The following HEATR3 variants were observed in gnomAD, a reference collection of about 807,000 sequenced individuals.
The protein encoded by HEATR3 is HEAT repeat containing 3.
In HEATR3, 56 loss-of-function variants were observed where a neutral mutation model predicts 72.8. The ratio of observed to expected loss-of-function variants is 0.77; its 90% CI spans 0.62 to 0.96. The LOEUF (loss-of-function observed/expected upper bound fraction) is 0.96, where lower values mean the gene tolerates loss of function less well. Ranked by LOEUF, HEATR3 falls within the 40% of genes least tolerant of loss-of-function variation. The probability of loss-of-function intolerance (pLI) is 0.00; values close to 1 mark genes in which losing one functional copy is unlikely to be tolerated. For missense variants in HEATR3, 747 were observed against 831.4 expected (o/e 0.90, Z 1.25); for synonymous variants, 331 against 318.1 (o/e 1.04, Z -0.43).
intron 6 of HEATR3, among the ~76,000 whole-genome samples, chr16:50,077,842 A>G (rs1294214761): frequency 3.4e-5 from 5 of 148,960 alleles, no homozygotes; most frequent in African/African-American, 9.9e-5. Context: ...TACAACTTGG[A>G]TATTGTGAAT....
Position 50,106,828 on chromosome 16 carries a change from A to G in HEATR3, c.*1767A>G, listed in dbSNP as rs1332391840. On this transcript the variant is annotated 3_prime_UTR_variant, in exon 15 of 15. Coordinates refer to ENST00000299192, the MANE Select transcript of HEATR3 (RefSeq NM_182922.4). ...GATGTATTTTACAGTTTTCACCTAT[A>G]TGATATAGACTGTTGGGAAACCAAG... Among the ~76,000 whole-genome samples the G allele has an allele frequency of 6.6e-6, 1 of 152,184 alleles. No homozygotes were observed. Among genetic ancestry groups the G allele is most frequent in the Non-Finnish European group, 1.5e-5 (1 of 68,024 alleles).
intron 6 of HEATR3, among the ~76,000 whole-genome samples, chr16:50,077,279 G>A (rs147128783): frequency 6.6e-6 from 1 of 151,992 alleles, no homozygotes; most frequent in African/African-American, 2.4e-5. Context: ...CCCTGTGCTG[G>A]GATTACAGGC....
In HEATR3 at chr16:50,075,585, A is replaced by G. The variant is rs750662809; in HGVS notation, c.637A>G (p.Thr213Ala). 1 of 1,613,088 alleles carries G rather than the reference A, an allele frequency of 6.2e-7. No individual in the cohort carries two copies. Among genetic ancestry groups the G allele is most frequent in the Non-Finnish European group, 8.5e-7 (1 of 1,179,178 alleles). ...TTGCCTCGTAGCATATTGTTTGCAG[A>G]CAGTGACTGAGGATAACCCAGAGCT... ...LAISVAYCLQ[T>A]VTEDNPELLK... The change falls in exon 6 of 15, where the codon ACA becomes GCA. Residue 213 changes from threonine (T) to alanine (A), a missense_variant. Physicochemically the swap from Thr to Ala is moderately conservative, Grantham distance 58 (BLOSUM62 0). Coordinates refer to ENST00000299192, the MANE Select transcript of HEATR3 (RefSeq NM_182922.4).
chr16:50,089,069 A>G (rs1272016091), intron 11 of HEATR3, among the ~76,000 whole-genome samples: 1 of 152,258 alleles, frequency 6.6e-6, no homozygotes, highest in Non-Finnish European at 1.5e-5. Context: ...CACTGAGGCC[A>G]GCACATTTAT....
chr16:50,080,356 T>TG (rs1227654690), intron 7 of HEATR3: 1 of 152,082 alleles, frequency 6.6e-6, no homozygotes. Flanking sequence ...TTTTTTTTTT[T>TG]TTTGAGACAG....
chr16:50,072,623 A>G lies in HEATR3; in HGVS notation c.531A>G (p.Ala177=), dbSNP rs2036636815. ...LWNICECSSR[A]VSIFNKEGCL... Reference sequence around the variant, plus strand: ...AATTTAGTGAATGCAGTAGTAGAGCAGTGTCTATATTCAACAAAGAAGGGT... The same window carrying G: ...AATTTAGTGAATGCAGTAGTAGAGCGGTGTCTATATTCAACAAAGAAGGGT... The change falls in exon 5 of 15, where the codon GCA becomes GCG. Residue 177 remains alanine (A), a synonymous_variant. Coordinates refer to ENST00000299192, the MANE Select transcript of HEATR3 (RefSeq NM_182922.4). 3.1e-6 allele frequency: 5 copies of G among 1,607,384 alleles called. No homozygotes were observed. In the Admixed American group the frequency reaches 5.0e-5, roughly 16 times the overall value.
chr16:50,101,662 TGTG>T (rs1296962127), intron 13 of HEATR3, among the ~76,000 whole-genome samples: 1 of 152,210 alleles, frequency 6.6e-6, no homozygotes, highest in Non-Finnish European at 1.5e-5. Context: ...ATTGCTACCT[TGTG>T]GTGGTAAATT....
At chr16:50,093,957 C>T (rs188438234) in intron 11 of HEATR3, among the ~76,000 whole-genome samples, 7 of 152,290 alleles carry the variant, frequency 4.6e-5, no homozygotes, top group Admixed American at 3.3e-4. Flanking sequence ...GATTTCACAT[C>T]TTTATGGGAA....
intron 2 of HEATR3, 63 bp downstream of exon 2, chr16:50,066,602 C>T: frequency 8.1e-7 from 1 of 1,232,206 alleles, no homozygotes; most frequent in Non-Finnish European, 1.0e-6. Flanking sequence ...GGGCTGCGGG[C>T]GGTCGCAGCG....
chr16:50,097,543 C>A (rs1045759205), intron 12 of HEATR3, among the ~76,000 whole-genome samples: 2 of 151,882 alleles, frequency 1.3e-5, no homozygotes, highest in African/African-American at 4.8e-5. Flanking sequence ...GCCTCTTTTA[C>A]AAGAATTTTA....
intron 13 of HEATR3, 86 bp from the exon 14 acceptor site, chr16:50,102,173 T>C: frequency 3.8e-6 from 4 of 1,045,078 alleles, no homozygotes; most frequent in Middle Eastern, 2.1e-4. Context: ...TATAAAATAG[T>C]ATGCATGAGT....
rs572392476 is a variant in HEATR3, at chr16:50,075,919, A to C, written c.763+208A>C. Among the ~76,000 whole-genome samples, 244 of 152,352 alleles carry C rather than the reference A, an allele frequency of 1.6e-3. 1 individual carries two copies. The highest frequency in any genetic ancestry group is 3.5e-3 in the Admixed American group (54 of 15,310). ...GTAGAATAGATTTGTTTCGAATTTA[A>C]CAAACTACTGTTAACCTGATAAAGA... On this transcript the variant is annotated intron_variant, in intron 6 of 14. Transcript: ENST00000299192.
At position 50,100,326 on chromosome 16, in the gene HEATR3, A is replaced by T; in HGVS notation, c.1696A>T (p.Thr566Ser). The change falls in exon 13 of 15, where the codon ACT becomes TCT. Residue 566 changes from threonine to serine, a missense_variant. Coordinates refer to ENST00000299192, the MANE Select transcript of HEATR3 (RefSeq NM_182922.4). ...GAATGTCGTTAGCATTTTAGGAATCACTGGCAGCGTCCTTGCCAAAGAAGA... is the reference window on the plus strand; with the variant it reads ...GAATGTCGTTAGCATTTTAGGAATCTCTGGCAGCGTCCTTGCCAAAGAAGA... ...RVNVVSILGITGSVLAKEDGT... is the reference protein window; with the variant it reads ...RVNVVSILGISGSVLAKEDGT... The T allele has an allele frequency of 6.2e-7, 1 of 1,614,116 alleles. No individual in the cohort carries two copies. The highest frequency in any genetic ancestry group is 8.5e-7 in the Non-Finnish European group (1 of 1,179,990).
intron 5 of HEATR3, chr16:50,074,275 C>T (rs1250359377): frequency 6.6e-6 from 1 of 152,062 alleles, no homozygotes; most frequent in East Asian, 1.9e-4. Flanking sequence ...TAAAGGAAGC[C>T]AGACGTCCCA....
rs375948952 is a variant in HEATR3 at position 50,083,886 on chromosome 16, A to G, written c.1042-51A>G. 1.6e-5 allele frequency: 24 copies of G among 1,524,112 alleles called. No individual in the cohort carries two copies. The East Asian group carries it at 2.7e-4, about 17-fold the overall frequency. The allele number at this position is 1,524,112 out of a possible 1,614,324, so 94.4% of individuals were successfully genotyped here. The stretch of plus-strand genomic sequence containing the variant: ...TTCACTAAGGAAATTCCCCAAAAAC[A>G]TTTTCCCAACCATTGAGAGTTGGTC... On this transcript the variant is annotated intron_variant, in intron 7 of 14. Transcript: ENST00000299192.
chr16:50,067,135 C>G (rs2036515515), intron 2 of HEATR3, among the ~76,000 whole-genome samples: 1 of 152,118 alleles, frequency 6.6e-6, no homozygotes, highest in Non-Finnish European at 1.5e-5. Flanking sequence ...AGGAGGATCA[C>G]TGGAGGCCAG....
At chr16:50,069,205 C>T (rs9930100) in intron 3 of HEATR3, 4,418 of 179,318 alleles carry the variant, frequency 0.025, 211 homozygotes, top group African/African-American at 0.1. Context: ...ATTTAATCCT[C>T]ACAGTATTCT....
At chr16:50,086,953 G>A (rs1196873026) in intron 11 of HEATR3, among the ~76,000 whole-genome samples, 1 of 151,996 alleles carries the variant, frequency 6.6e-6, no homozygotes, top group Non-Finnish European at 1.5e-5. Context: ...TAATAATTGA[G>A]TACTATTCTA....
At chr16:50,073,985 A>G (rs967147309) in intron 5 of HEATR3, 12 of 152,210 alleles carry the variant, frequency 7.9e-5, no homozygotes, top group Admixed American at 2.6e-4. Context: ...TTGAACCTGT[A>G]TGGTAGCAGT....
Sources: gnomAD v4.1 joint callset for allele counts (sites outside exome capture counted in the v4.1 genomes callset) on GRCh38, gnomAD v4.1.1 for gene constraint, MANE v1.5 for transcripts, NCBI Gene and HGNC (gene_info 2026-07-23, HGNC 2026-07-21) for gene names.